The following DAB1 variants were observed in gnomAD, a reference collection of about 807,000 sequenced individuals.
The protein encoded by DAB1 is disabled homolog 1.
A neutral mutation model predicts 64.6 loss-of-function variants in DAB1; 15 were observed. The ratio of observed to expected loss-of-function variants is 0.23; its 90% CI spans 0.16 to 0.36. The LOEUF is 0.36. Among genes scored for constraint, DAB1 ranks in the 10% least tolerant of loss-of-function variants. The pLI, the probability that DAB1 is intolerant of heterozygous loss-of-function variation, is 1.00. For synonymous variants in DAB1, 235 were observed against 251.9 expected (o/e 0.93, Z 0.64); for missense variants, 596 against 706.7 (o/e 0.84, Z 1.78).
At chr1:57,553,384 G>GAA (rs1553193730) in intron 7 of DAB1, among the ~76,000 whole-genome samples, 54 of 6,978 alleles carry the variant, frequency 7.7e-3, no homozygotes, top group Non-Finnish European at 0.055. Context: ...AAGGAAGAAA[G>GAA]AGAAAGAAAG....
intron 1 of DAB1, among the ~76,000 whole-genome samples, chr1:57,323,687 T>C (rs1321277965): frequency 6.6e-6 from 1 of 152,160 alleles, no homozygotes; most frequent in African/African-American, 2.4e-5. Flanking sequence ...AGATAGTGTA[T>C]GTTTATAAAA....
intron 6 of DAB1, among the ~76,000 whole-genome samples, chr1:57,768,185 A>AT (rs1365016652): frequency 6.6e-6 from 1 of 150,756 alleles, no homozygotes; most frequent in Non-Finnish European, 1.5e-5. Context: ...TAAAAAAAAA[A>AT]AAAAAAAAAA....
intron 6 of DAB1, among the ~76,000 whole-genome samples, chr1:57,715,853 A>T (rs1647077940): frequency 6.6e-6 from 1 of 152,220 alleles, no homozygotes; most frequent in South Asian, 2.1e-4. Flanking sequence ...AACAATGTCC[A>T]TATTACCCAA....
chr1:57,396,098 G>A (rs1682783591), intron 1 of DAB1, among the ~76,000 whole-genome samples: 1 of 152,208 alleles, frequency 6.6e-6, no homozygotes, highest in Non-Finnish European at 1.5e-5. Context: ...CACAGCAAGA[G>A]CAAAAGCGCT....
At chr1:57,047,856 G>A (rs1026182105) in intron 9 of DAB1, among the ~76,000 whole-genome samples, 3 of 152,152 alleles carry the variant, frequency 2.0e-5, no homozygotes, top group African/African-American at 7.2e-5. Flanking sequence ...CTATACACCA[G>A]TCTTCCTTCC....
chr1:58,367,000 A>G (rs569258787), intron 3 of DAB1, among the ~76,000 whole-genome samples: 32 of 152,330 alleles, frequency 2.1e-4, no homozygotes, highest in Admixed American at 2.0e-3. Flanking sequence ...GTTATTTCAT[A>G]TTTTAATAAA....
chr1:58,077,923 G>C (rs564671779), intron 5 of DAB1: 1 of 152,292 alleles, frequency 6.6e-6, no homozygotes, highest in African/African-American at 2.4e-5. Flanking sequence ...AGCTGTGCTC[G>C]AGTCTGAGTT....
At chr1:57,580,911 G>A (rs2101550806) in intron 7 of DAB1, among the ~76,000 whole-genome samples, 1 of 152,342 alleles carries the variant, frequency 6.6e-6, no homozygotes, top group East Asian at 1.9e-4. Flanking sequence ...GCACTGGAAT[G>A]CAGGGCTGCC....
intron 6 of DAB1, among the ~76,000 whole-genome samples, chr1:57,775,289 T>C (rs1396530381): frequency 1.3e-5 from 2 of 151,632 alleles, no homozygotes; most frequent in African/African-American, 4.8e-5. Flanking sequence ...CTCTTTATTA[T>C]TATTTTTTCT....
At chr1:58,032,069 A>G (rs1247968280) in intron 5 of DAB1, among the ~76,000 whole-genome samples, 1 of 149,122 alleles carries the variant, frequency 6.7e-6, no homozygotes, top group African/African-American at 2.5e-5. Context: ...TCTGCTTCTC[A>G]AAGTGTGGTC....
chr1:57,471,479 T>C (rs1439367429), intron 7 of DAB1, among the ~76,000 whole-genome samples: 2 of 152,238 alleles, frequency 1.3e-5, no homozygotes, highest in African/African-American at 4.8e-5. Flanking sequence ...GGTTTGGCTG[T>C]GTCCCCACCC....
chr1:57,615,305 G>A (rs1013176939), intron 7 of DAB1, among the ~76,000 whole-genome samples: 1 of 152,080 alleles, frequency 6.6e-6, no homozygotes. Context: ...AAGTATATTC[G>A]GACATTTTCT....
At chr1:57,440,209 T>C (rs1685889316) in intron 7 of DAB1, among the ~76,000 whole-genome samples, 1 of 152,226 alleles carries the variant, frequency 6.6e-6, no homozygotes, top group African/African-American at 2.4e-5. Context: ...ACTTCTAATC[T>C]TGATCCCTGC....
intron 4 of DAB1, among the ~76,000 whole-genome samples, chr1:58,269,386 T>C (rs1188957360): frequency 4.0e-5 from 6 of 150,092 alleles, no homozygotes; most frequent in Non-Finnish European, 7.5e-5. Context: ...GGTGTATATG[T>C]GCCACATTTT....
chr1:58,125,441 C>CT (rs56791592), intron 5 of DAB1, among the ~76,000 whole-genome samples: 337 of 138,274 alleles, frequency 2.4e-3, no homozygotes, highest in East Asian at 0.017. Context: ...TCACTTGATA[C>CT]TTTTTTTTTT....
chr1:57,736,521 T>A (rs1436092015), intron 6 of DAB1, among the ~76,000 whole-genome samples: 2 of 152,204 alleles, frequency 1.3e-5, no homozygotes, highest in Non-Finnish European at 2.9e-5. Context: ...CCAAAATACA[T>A]TTGAATTTGG....
intron 5 of DAB1, among the ~76,000 whole-genome samples, chr1:58,100,638 A>G (rs1651259831): frequency 6.6e-6 from 1 of 152,300 alleles, no homozygotes; most frequent in East Asian, 1.9e-4. Context: ...GGTCCCACCA[A>G]ACTGTTTTCT....
chr1:57,227,960 T>C (rs2100417055), intron 2 of DAB1, among the ~76,000 whole-genome samples: 1 of 152,258 alleles, frequency 6.6e-6, no homozygotes, highest in South Asian at 2.1e-4. Flanking sequence ...TAATGGTGAA[T>C]GGTTAAGTTA....
At chr1:57,949,732 A>C (rs1645243610) in intron 5 of DAB1, among the ~76,000 whole-genome samples, 2 of 152,122 alleles carry the variant, frequency 1.3e-5, no homozygotes, top group African/African-American at 4.8e-5. Context: ...GGTAGCCATA[A>C]TTCATTTATT....
Sources: allele counts gnomAD v4.1 joint callset (sites outside exome capture counted in the v4.1 genomes callset), GRCh38; gene constraint gnomAD v4.1.1; transcripts MANE v1.5; gene names NCBI Gene and HGNC (gene_info 2026-07-23, HGNC 2026-07-21).